The following PRDM16 variants were observed in gnomAD, a reference collection of about 807,000 sequenced individuals.
PRDM16 encodes the protein PR/SET domain 16, also known as histone-lysine N-methyltransferase PRDM16.
PRDM16 carries 23 observed loss-of-function variants against 110.6 expected under a neutral mutation model. The ratio of observed to expected loss-of-function variants is 0.21; its 90% CI spans 0.15 to 0.29. The LOEUF (loss-of-function observed/expected upper bound fraction) is 0.29. PRDM16 is among the 10% of genes least tolerant of loss of function. The probability of loss-of-function intolerance (pLI) is 1.00; values close to 1 mark genes in which losing one functional copy is unlikely to be tolerated. For synonymous variants in PRDM16, 799 were observed against 781.8 expected, an observed-to-expected ratio of 1.02 and a Z score of -0.37; for missense variants, 1,615 against 1,794.3, an observed-to-expected ratio of 0.90 and a Z score of 1.81.
chr1:3,118,121 G>T (rs530558089), intron 1 of PRDM16, among the ~76,000 whole-genome samples: 3 of 150,994 alleles, frequency 2.0e-5, no homozygotes, highest in African/African-American at 7.4e-5. Context: ...GTGCGTGTGC[G>T]TGTGTGCGTG....
intron 1 of PRDM16, among the ~76,000 whole-genome samples, chr1:3,166,720 G>A (rs1357769647): frequency 2.6e-5 from 4 of 152,166 alleles, no homozygotes; most frequent in East Asian, 1.9e-4. Context: ...ACCACAGCGC[G>A]GCCTGGGGCC....
intron 6 of PRDM16, among the ~76,000 whole-genome samples, chr1:3,403,458 C>T (rs998350703): frequency 1.2e-4 from 19 of 152,258 alleles, no homozygotes; most frequent in East Asian, 5.8e-4. Flanking sequence ...CCCCACCCTC[C>T]GGACACACGA....
intron 1 of PRDM16, among the ~76,000 whole-genome samples, chr1:3,135,718 G>A (rs531471839): frequency 2.1e-4 from 32 of 152,344 alleles, no homozygotes; most frequent in African/African-American, 2.6e-4. Context: ...GGGCTTAGGC[G>A]TAATTATAGG....
intron 1 of PRDM16, among the ~76,000 whole-genome samples, chr1:3,109,937 T>C (rs1448435547): frequency 6.6e-6 from 1 of 151,506 alleles, no homozygotes; most frequent in East Asian, 1.9e-4. Flanking sequence ...GGGGACACAG[T>C]GCTCGGGGGC....
At position 3,434,023 on chromosome 1, in the gene PRDM16, T is replaced by A; in HGVS notation, c.*212T>A. On this transcript the variant is annotated 3_prime_UTR_variant, in exon 17 of 17. Coordinates refer to ENST00000270722, the MANE Select transcript of PRDM16 (RefSeq NM_022114.4). ...GAGTCTCACCATCTCCAAGGATTGG[T>A]CTTGAGAACACTGTTCAGTGACGGC... 1.8e-6 allele frequency: 1 copy of A among 568,884 alleles called. No homozygotes were observed. The allele number at this position is 568,884 out of a possible 1,614,324, so 35.2% of individuals were successfully genotyped here.
At chr1:3,092,850 A>G (rs1215196065) in intron 1 of PRDM16, among the ~76,000 whole-genome samples, 1 of 150,648 alleles carries the variant, frequency 6.6e-6, no homozygotes, top group Non-Finnish European at 1.5e-5. Flanking sequence ...AACATCTTAA[A>G]CCCAGGGGCA....
chr1:3,140,327 G>A (rs1195046636), intron 1 of PRDM16, among the ~76,000 whole-genome samples: 1 of 152,134 alleles, frequency 6.6e-6, no homozygotes, highest in Non-Finnish European at 1.5e-5. Context: ...CTGCACTGTA[G>A]CCTTCTGAGC....
chr1:3,236,680 G>T (rs1417404669), intron 2 of PRDM16, among the ~76,000 whole-genome samples: 1 of 152,202 alleles, frequency 6.6e-6, no homozygotes, highest in Non-Finnish European at 1.5e-5. Context: ...CCTACTCAGG[G>T]TCCACTCACC....
intron 4 of PRDM16, among the ~76,000 whole-genome samples, chr1:3,387,559 G>A (rs991074804): frequency 3.3e-5 from 5 of 152,158 alleles, no homozygotes; most frequent in Non-Finnish European, 7.3e-5. Flanking sequence ...TAGCACAGCC[G>A]GTGACGTCGG....
chr1:3,286,796 A>G (rs539913610), intron 3 of PRDM16, among the ~76,000 whole-genome samples: 1 of 152,302 alleles, frequency 6.6e-6, no homozygotes, highest in African/African-American at 2.4e-5. Flanking sequence ...AGGCACACAG[A>G]GTGGAGGGGC....
rs139487587 is a variant in PRDM16 at position 3,353,763 on chromosome 1, G to A, written c.439-31389G>A. Among the ~76,000 whole-genome samples the A allele has an allele frequency of 2.3e-4, 35 of 152,292 alleles. No homozygotes were observed. Among genetic ancestry groups the A allele is most frequent in the Non-Finnish European group, 4.7e-4 (32 of 68,006 alleles). On this transcript the variant is annotated intron_variant, in intron 3 of 16. Transcript: ENST00000270722. The surrounding 1 kb of genome is among the most constrained non-coding windows in gnomAD (Gnocchi z 5.4). ...GGCCAAGGGGGTTGCACTTGGGGCC[G>A]GACCTCCTGACTCCTGCCTCTGTGT...
intron 1 of PRDM16, among the ~76,000 whole-genome samples, chr1:3,089,869 C>T (rs1314983167): frequency 6.6e-6 from 1 of 152,216 alleles, no homozygotes; most frequent in Non-Finnish European, 1.5e-5. Context: ...ACACCAGCTG[C>T]AGAGAAAGCT....
chr1:3,304,483 A>C (rs1173571467), intron 3 of PRDM16, among the ~76,000 whole-genome samples: 1 of 152,200 alleles, frequency 6.6e-6, no homozygotes, highest in Non-Finnish European at 1.5e-5. Context: ...CCTGCATTGC[A>C]TCCTTGGCGT....
intron 3 of PRDM16, among the ~76,000 whole-genome samples, chr1:3,302,801 C>G (rs1162479396): frequency 2.6e-5 from 4 of 152,128 alleles, no homozygotes; most frequent in Non-Finnish European, 4.4e-5. Flanking sequence ...AGTGCGAGAG[C>G]TGAGACAAGA....
At chr1:3,127,215 C>T (rs1004018428) in intron 1 of PRDM16, among the ~76,000 whole-genome samples, 1 of 152,384 alleles carries the variant, frequency 6.6e-6, no homozygotes, top group South Asian at 2.1e-4. Flanking sequence ...CTGCGATCCT[C>T]GCTTGACCTC....
intron 3 of PRDM16, among the ~76,000 whole-genome samples, chr1:3,351,175 G>A (rs1220292487): frequency 6.6e-6 from 1 of 152,138 alleles, no homozygotes; most frequent in Admixed American, 6.5e-5. Context: ...TGCTTCCCAC[G>A]GGGTCCACCC....
chr1:3,335,630 CA>C (rs1224691125), intron 3 of PRDM16, among the ~76,000 whole-genome samples: 1 of 152,030 alleles, frequency 6.6e-6, no homozygotes, highest in African/African-American at 2.4e-5. Flanking sequence ...CACACACACA[CA>C]CACACACACA....
In PRDM16 at chr1:3,240,056, A is replaced by AGAGG. The variant is rs1220138751; in HGVS notation, c.388-4031_388-4030insGAGG. Reference sequence around the variant, plus strand: ...AGAGGAGAAGAGGAGAGGAGAGGAGAAGAGGAGAGGAGAGGAGAGGAGAGG... The same window carrying AGAGG: ...AGAGGAGAAGAGGAGAGGAGAGGAGAGAGGAGAGGAGAGGAGAGGAGAGGAGAGG... On this transcript the variant is annotated intron_variant, in intron 2 of 16. Coordinates refer to ENST00000270722, the MANE Select transcript of PRDM16 (RefSeq NM_022114.4). Among the ~76,000 whole-genome samples, 612 of 103,400 alleles carry AGAGG rather than the reference A, an allele frequency of 5.9e-3. 11 individuals are homozygous for AGAGG. Among genetic ancestry groups the AGAGG allele is most frequent in the African/African-American group, 0.024 (583 of 24,420 alleles). 67.8% of individuals were successfully genotyped at this position (103,400 alleles called of 152,430 possible). A position where few individuals can be genotyped will look rare whatever the true frequency, so the allele number is the denominator to read the frequency against.
At chr1:3,158,193 C>T (rs892784069) in intron 1 of PRDM16, among the ~76,000 whole-genome samples, 3 of 152,286 alleles carry the variant, frequency 2.0e-5, no homozygotes, top group Non-Finnish European at 2.9e-5. Flanking sequence ...GATAGTGATC[C>T]TCTCTCATTT....
Sources: allele counts gnomAD v4.1 joint callset (sites outside exome capture counted in the v4.1 genomes callset), GRCh38; gene constraint gnomAD v4.1.1; non-coding constraint Gnocchi (gnomAD v3.1); transcripts MANE v1.5; gene names NCBI Gene and HGNC (gene_info 2026-07-23, HGNC 2026-07-21).